Variants in FAT2 observed in about 807,000 individuals in gnomAD.
The protein encoded by FAT2 is FAT atypical cadherin 2.
A neutral mutation model predicts 295.3 loss-of-function variants in FAT2; 150 were observed. That is an observed-to-expected ratio of 0.51 (90% CI 0.44 to 0.58). The LOEUF is 0.58. FAT2 is among the 20% of genes least tolerant of loss of function. The pLI is 0.00. For missense variants in FAT2, 4,868 were observed against 5,442.7 expected (o/e 0.89, Z 3.32); for synonymous variants, 2,026 against 2,150.3 (o/e 0.94, Z 1.60).
In FAT2 at chr5:151,544,114, T is replaced by A. The variant is rs1345122090; in HGVS notation, c.7013A>T (p.Asp2338Val). 1.2e-6 allele frequency: 2 copies of A among 1,614,210 alleles called. No homozygotes were observed. The highest frequency in any genetic ancestry group is 1.7e-6 in the Non-Finnish European group (2 of 1,180,034). ...ATGAAAGTGTTGTTGGGCTTCATAA[T>A]CCAGTTCTTGAACTGTGGACATCTC... is the stretch of plus-strand genomic sequence containing the variant. ...TGEMSTVQELDYEAQQHFHVK... is the reference protein window; with the variant it reads ...TGEMSTVQELVYEAQQHFHVK... Residue 2338 changes from aspartate (D) to valine (V), a missense_variant, in exon 10 of 24, where the codon GAT (aspartate) becomes GTT (valine). Around this residue, in one of 5 missense-constraint regions of FAT2, gnomAD observed 3,297 missense variants for 3,669.4 expected, o/e 0.90. Transcript: ENST00000261800.
intron 6 of FAT2, among the ~76,000 whole-genome samples, chr5:151,552,776 G>A (rs1042862555): frequency 6.6e-6 from 1 of 152,222 alleles, no homozygotes; most frequent in Non-Finnish European, 1.5e-5. Context: ...GAAACCTGGA[G>A]CCAAAACATT....
intron 4 of FAT2, among the ~76,000 whole-genome samples, chr5:151,555,269 G>T (rs1158684484): frequency 3.3e-5 from 5 of 151,330 alleles, no homozygotes; most frequent in African/African-American, 9.7e-5. Context: ...ACACTTTGGT[G>T]TTTAAAGGTA....
At position 151,565,652 on chromosome 5, in the gene FAT2, AC is replaced by A. The variant is rs1692176910; in HGVS notation, c.3259+20del. ...CATCTACCTCTGGCCCTGGCACCCC[AC>A]CCTACCCCACCCCCAGTACCTGTAT... On this transcript the variant is annotated intron_variant, in intron 2 of 23. Transcript: ENST00000261800. The A allele has an allele frequency of 1.6e-6, 1 of 621,972 alleles. No homozygotes were observed. 38.5% of individuals were successfully genotyped at this position (621,972 alleles called of 1,614,324 possible).
At chr5:151,527,803 T>C (rs1327479166) in intron 16 of FAT2, among the ~76,000 whole-genome samples, 193 bp downstream of exon 16, 1 of 151,994 alleles carries the variant, frequency 6.6e-6, no homozygotes, top group Admixed American at 6.6e-5. Context: ...GGTTACGGGG[T>C]CACTCAGTCC....
chr5:151,539,931 G>A (rs1755929584), intron 11 of FAT2, among the ~76,000 whole-genome samples: 1 of 152,196 alleles, frequency 6.6e-6, no homozygotes, highest in Admixed American at 6.5e-5. Flanking sequence ...AAGTGAAGAA[G>A]GGCATCTCAG....
In FAT2 at chr5:151,545,240, C is replaced by T; in HGVS notation, c.5887G>A (p.Asp1963Asn). ...LVKISLTQVL[D>N]KSLQFDQDVY... ...TCCTGATCAAACTGCAAGCTTTTGT[C>T]AAGCACTTGGGTCAAAGAAATTTTT... Residue 1963 changes from aspartate to asparagine, a missense_variant, in exon 10 of 24, where the codon GAC becomes AAC. Physicochemically the swap from Asp to Asn is conservative, Grantham distance 23 (BLOSUM62 1). Coordinates refer to ENST00000261800, the MANE Select transcript of FAT2 (RefSeq NM_001447.3). The T allele has an allele frequency of 6.2e-7, 1 of 1,614,152 alleles. No homozygotes were observed. The highest frequency in any genetic ancestry group is 8.5e-7 in the Non-Finnish European group (1 of 1,180,028).
At chr5:151,573,482 C>T (rs1045985915) in intron 1 of FAT2, among the ~76,000 whole-genome samples, 2 of 151,972 alleles carry the variant, frequency 1.3e-5, no homozygotes, top group Non-Finnish European at 2.9e-5. Context: ...GGTGAAACTC[C>T]GTCTCTACTA....
At position 151,505,886 on chromosome 5, in the gene FAT2, G is replaced by A. The variant is rs779690051; in HGVS notation, c.12729C>T (p.Tyr4243=). 6.2e-7 allele frequency: 1 copy of A among 1,604,172 alleles called. No homozygotes were observed. The highest frequency in any genetic ancestry group is 1.1e-5 in the South Asian group (1 of 89,978). The change falls in exon 24 of 24, where the codon TAC becomes TAT. Residue 4243 remains tyrosine (Y), a synonymous_variant. Transcript: ENST00000261800. The stretch of plus-strand genomic sequence containing the variant: ...TCAGATCTTCCAGGTTCTGGTTGCT[G>A]TAACGGGGTGGGAGAGGTGCCCGCT... ...ENKRAPLPPR[Y]SNQNLEDLMP...
rs1758317670 is a variant in FAT2 at position 151,567,288 on chromosome 5, C to T, written c.1644G>A (p.Val548=). 6.2e-7 allele frequency: 1 copy of T among 1,614,076 alleles called. No homozygotes were observed. The highest frequency in any genetic ancestry group is 8.5e-7 in the Non-Finnish European group (1 of 1,179,998). Residue 548 remains valine (V), a synonymous_variant, in exon 2 of 24, where the codon GTG becomes GTA. Coordinates refer to ENST00000261800, the MANE Select transcript of FAT2 (RefSeq NM_001447.3). ...AGTTCCTGAGCTGAAGAAAAATGGA[C>T]ACTTCCTTCTCCCGGCGAAAAGGGG... ...WGSPFRREKE[V]SIFLQLRNLN... is the part of the protein sequence containing the mutation.
Position 151,512,032 on chromosome 5 carries a change from T to G in FAT2, c.11905+133A>C, listed in dbSNP as rs1761360880. ...TCTAGATATTGCAGATTCCAACCTGTTACTCACAAGTTAGGGGAAGAGAGA... is the reference window on the plus strand; with the variant it reads ...TCTAGATATTGCAGATTCCAACCTGGTACTCACAAGTTAGGGGAAGAGAGA... On this transcript the variant is annotated intron_variant, in intron 21 of 23. Coordinates refer to ENST00000261800, the MANE Select transcript of FAT2 (RefSeq NM_001447.3). The surrounding 1 kb of genome is among the most constrained non-coding windows in gnomAD (Gnocchi z 4.1). 15 of 754,550 alleles carry G rather than the reference T, an allele frequency of 2.0e-5. 1 individual carries two copies. In the South Asian group the frequency reaches 2.8e-4, roughly 14 times the overall value. The allele number at this position is 754,550 out of a possible 1,614,324, so 46.7% of individuals were successfully genotyped here. A position where few individuals can be genotyped will look rare whatever the true frequency, so the allele number is the denominator to read the frequency against.
intron 12 of FAT2, among the ~76,000 whole-genome samples, chr5:151,535,523 G>A (rs921490558): frequency 1.7e-4 from 25 of 148,452 alleles, no homozygotes; most frequent in Non-Finnish European, 1.5e-5. Flanking sequence ...GGGAGGACAT[G>A]GGAGCCCCTT....
At position 151,504,853 on chromosome 5, in the gene FAT2, G is replaced by A. The variant is rs1176554497; in HGVS notation, c.*712C>T. The A allele has an allele frequency of 6.5e-6, 1 of 152,726 alleles. No individual in the cohort carries two copies. Among genetic ancestry groups the A allele is most frequent in the Non-Finnish European group, 1.5e-5 (1 of 68,136 alleles). The allele number at this position is 152,726 out of a possible 1,614,324, so 9.5% of individuals were successfully genotyped here. On this transcript the variant is annotated 3_prime_UTR_variant, in exon 24 of 24. Transcript: ENST00000261800. ...GACTGGCAGCCAGTGGTGTGACTCTGAGGTGGGCCCGTTCCTCTGCGTGTA... is the reference window on the plus strand; with the variant it reads ...GACTGGCAGCCAGTGGTGTGACTCTAAGGTGGGCCCGTTCCTCTGCGTGTA...
upstream of FAT2, among the ~76,000 whole-genome samples, chr5:151,593,424 T>C (rs1180433394): frequency 6.6e-6 from 1 of 152,008 alleles, no homozygotes; most frequent in African/African-American, 2.4e-5. Flanking sequence ...CTGGCATCCA[T>C]CCCCTTCTCC....
rs1358398609 is a variant in FAT2, at chr5:151,504,163, TCA to T, written c.*1400_*1401del. On this transcript the variant is annotated 3_prime_UTR_variant, in exon 24 of 24. Transcript: ENST00000261800. ...GAAACTATGTATCTGTCACTCACACTCACAGTCACACACACAGCCACAAACCA... is the reference window on the plus strand; with the variant it reads ...GAAACTATGTATCTGTCACTCACACTCAGTCACACACACAGCCACAAACCA... The T allele has an allele frequency of 1.3e-5, 2 of 152,048 alleles. No individual in the cohort carries two copies. Among genetic ancestry groups the T allele is most frequent in the East Asian group, 3.9e-4 (2 of 5,188 alleles). The allele number at this position is 152,048 out of a possible 1,614,324, so 9.4% of individuals were successfully genotyped here.
chr5:151,568,188 A>G lies in FAT2; in HGVS notation c.744T>C (p.Pro248=). Residue 248 remains proline, a synonymous_variant, in exon 2 of 24, where the codon CCT becomes CCC. Coordinates refer to ENST00000261800, the MANE Select transcript of FAT2 (RefSeq NM_001447.3). ...CAATGGCTGGGGGCTTCCTGAGGGC[A>G]GGCTCCACATGAACCACAAGTGCAG... ...SLAALVVHVE[P]ALRKPPAIAS... is the part of the protein sequence containing the mutation. 2 of 1,614,016 alleles carry G rather than the reference A, an allele frequency of 1.2e-6. No homozygotes were observed. The highest frequency in any genetic ancestry group is 2.2e-5 in the South Asian group (2 of 91,052).
intron 19 of FAT2, among the ~76,000 whole-genome samples, chr5:151,518,583 G>C (rs908640259): frequency 6.6e-6 from 1 of 152,050 alleles, no homozygotes; most frequent in African/African-American, 2.4e-5. Flanking sequence ...AATCATTTAG[G>C]TAAACAATAA....
intron 4 of FAT2, among the ~76,000 whole-genome samples, chr5:151,555,506 A>T (rs189148155): frequency 5.0e-4 from 75 of 150,684 alleles, no homozygotes; most frequent in Non-Finnish European, 7.1e-4. Context: ...GGTAGCTGGG[A>T]TTACAAGCAC....
At chr5:151,594,199 C>T (rs968029905), upstream of FAT2, among the ~76,000 whole-genome samples, 5 of 152,314 alleles carry the variant, frequency 3.3e-5, no homozygotes, top group African/African-American at 4.8e-5. Flanking sequence ...ATCCAAGCCC[C>T]GGTCTGTCTG....
rs1025663901 is a variant in FAT2 at position 151,529,059 on chromosome 5, G to A, written c.10026+119C>T. 4.9e-6 allele frequency: 4 copies of A among 815,818 alleles called. No homozygotes were observed. In the African/African-American group the frequency reaches 5.1e-5, roughly 10 times the overall value. The allele number at this position is 815,818 out of a possible 1,614,324, so 50.5% of individuals were successfully genotyped here. ...TAAACCTCTGACAAGTCAGAGTCAA[G>A]TCTACAGTGTATTAACTTAATAAAC... is the stretch of plus-strand genomic sequence containing the variant. On this transcript the variant is annotated intron_variant, in intron 15 of 23. Transcript: ENST00000261800.
Sources: gnomAD v4.1 joint callset for allele counts (sites outside exome capture counted in the v4.1 genomes callset) on GRCh38, gnomAD v4.1.1 for gene constraint, gnomAD v4.1.1 regional missense constraint, Gnocchi (gnomAD v3.1) non-coding constraint, MANE v1.5 for transcripts, NCBI Gene and HGNC (gene_info 2026-07-23, HGNC 2026-07-21) for gene names.